Variants in NID2 observed in about 807,000 individuals in gnomAD.
The protein encoded by NID2 is nidogen 2.
NID2 carries 83 observed loss-of-function variants against 145.4 expected under a neutral mutation model. The observed-to-expected ratio is 0.57, with a 90% CI of 0.48 to 0.69. The LOEUF is 0.69. Ranked by LOEUF, NID2 falls within the 30% of genes least tolerant of loss-of-function variation. The probability of loss-of-function intolerance (pLI) is 0.00; values close to 1 mark genes in which losing one functional copy is unlikely to be tolerated. For missense variants in NID2, 1,807 were observed against 1,765.7 expected (o/e 1.02, Z -0.42); for synonymous variants, 739 against 701.3 (o/e 1.05, Z -0.85).
At chr14:52,066,448 A>G (rs1893219989) in intron 2 of NID2, among the ~76,000 whole-genome samples, 1 of 152,162 alleles carries the variant, frequency 6.6e-6, no homozygotes, top group Non-Finnish European at 1.5e-5. Context: ...AATAACTAAG[A>G]GTGTAATTAG....
intron 2 of NID2, among the ~76,000 whole-genome samples, chr14:52,060,680 T>C (rs962703599): frequency 6.6e-6 from 1 of 152,240 alleles, no homozygotes; most frequent in Admixed American, 6.5e-5. Flanking sequence ...TCATGTAAAC[T>C]CTTTCAGAGC....
chr14:52,028,273 G>GTT (rs879604298), intron 11 of NID2, among the ~76,000 whole-genome samples: 3 of 26,802 alleles, frequency 1.1e-4, no homozygotes, highest in African/African-American at 1.7e-4. Context: ...AGATTTTGTT[G>GTT]TTTTTTTTTT....
At chr14:52,007,650 A>T in intron 19 of NID2, 160 bp downstream of exon 19, 1 of 695,060 alleles carries the variant, frequency 1.4e-6, no homozygotes, top group Non-Finnish European at 2.5e-6. Flanking sequence ...AGTTCATTTT[A>T]AGACTCATTT....
At chr14:52,059,438 TC>T (rs777584091) in intron 3 of NID2, among the ~76,000 whole-genome samples, 7 of 152,090 alleles carry the variant, frequency 4.6e-5, no homozygotes, top group Non-Finnish European at 8.8e-5. Flanking sequence ...CACCCCTACC[TC>T]CCCTCACACA....
chr14:52,058,480 G>A (rs759299572), intron 3 of NID2, among the ~76,000 whole-genome samples: 14 of 152,088 alleles, frequency 9.2e-5, no homozygotes, highest in Non-Finnish European at 1.8e-4. Context: ...CTCTGCTTTC[G>A]CCAAGCAATT....
chr14:52,011,457 C>A, intron 17 of NID2, 97 bp downstream of exon 17: 1 of 1,506,994 alleles, frequency 6.6e-7, no homozygotes, highest in South Asian at 1.2e-5. Flanking sequence ...CTTAACCTCC[C>A]CTAATGGAGA....
intron 5 of NID2, among the ~76,000 whole-genome samples, chr14:52,050,767 C>T (rs1367950679): frequency 6.6e-6 from 1 of 152,140 alleles, no homozygotes; most frequent in African/African-American, 2.4e-5. Context: ...ACCACCACAC[C>T]CGGCTAATTT....
At chr14:52,031,480 C>G (rs1456890955) in intron 9 of NID2, among the ~76,000 whole-genome samples, 1 of 152,160 alleles carries the variant, frequency 6.6e-6, no homozygotes, top group Non-Finnish European at 1.5e-5. Flanking sequence ...AGAGCCCCAG[C>G]TAAGCCTGTC....
chr14:52,068,158 G>T lies in NID2; in HGVS notation c.234C>A (p.Gly78=), dbSNP rs926775388. ...CCTGAGTGGAGATGATGCCGTTGGTGCCCACCTGGGAGAGGAGAGGGACAA... is the reference window on the plus strand; with the variant it reads ...CCTGAGTGGAGATGATGCCGTTGGTTCCCACCTGGGAGAGGAGAGGGACAA... The part of the protein sequence containing the change: ...YEARFSNLYV[G]TNGIISTQDF... The change falls in exon 2 of 22, where the codon GGC becomes GGA. Residue 78 remains glycine (G), a synonymous_variant. Transcript: ENST00000216286. 6.2e-7 allele frequency: 1 copy of T among 1,612,890 alleles called. No individual in the cohort carries two copies.
rs1891184755 is a variant in NID2, at chr14:52,015,417, C to A, written c.3029-142G>T. 1.0e-5 allele frequency: 7 copies of A among 694,356 alleles called. No individual in the cohort carries two copies. In the East Asian group the frequency reaches 1.9e-4, roughly 19 times the overall value. The allele number at this position is 694,356 out of a possible 1,614,324, so 43.0% of individuals were successfully genotyped here. On this transcript the variant is annotated intron_variant, in intron 14 of 21. Coordinates refer to ENST00000216286, the MANE Select transcript of NID2 (RefSeq NM_007361.4). ...CAGGTCTCAGCCAAGCCCGTGGACA[C>A]CAAACTTGGGAAGCAAATGTGTTCT...
chr14:52,035,878 A>ATATATATATAT (rs58318209), intron 9 of NID2, among the ~76,000 whole-genome samples: 1 of 135,204 alleles, frequency 7.4e-6, no homozygotes, highest in Admixed American at 7.6e-5. Context: ...ATATATATAT[A>ATATATATATAT]TGTTTTATTT....
chr14:52,039,053 T>A (rs2029978), intron 8 of NID2, 76 bp from the exon 9 acceptor site: 1,005,244 of 1,007,704 alleles, frequency 1, 501,435 homozygotes, highest in East Asian at 1. Flanking sequence ...TTTTCTGCAG[T>A]TTTTTTCATC....
chr14:52,022,645 T>C (rs915680412), intron 12 of NID2, among the ~76,000 whole-genome samples: 1 of 152,096 alleles, frequency 6.6e-6, no homozygotes, highest in Admixed American at 6.5e-5. Flanking sequence ...TAATGAGAGG[T>C]AGCTTAATCT....
intron 2 of NID2, among the ~76,000 whole-genome samples, chr14:52,065,704 T>C (rs1233340937): frequency 1.0e-5 from 1 of 97,162 alleles, no homozygotes; most frequent in Non-Finnish European, 1.9e-5. Context: ...CCTTCCTGTG[T>C]CCATGTGATC....
chr14:52,054,254 C>T lies in NID2; in HGVS notation c.835G>A (p.Val279Ile), dbSNP rs1892777618. The T allele has an allele frequency of 3.7e-6, 6 of 1,614,052 alleles. No homozygotes were observed. Among genetic ancestry groups the T allele is most frequent in the Non-Finnish European group, 5.1e-6 (6 of 1,180,028 alleles). ...HIGSTSPLDN[V>I]RPAAVGDLSA... ...AGGTCTCCAACTGCAGCTGGCCTGA[C>T]ATTGTCCAACGGGGAAGTGCTGCCG... Residue 279 changes from valine to isoleucine, a missense_variant, in exon 4 of 22, where the codon GTC becomes ATC. Physicochemically the swap from Val to Ile is conservative, Grantham distance 29. Transcript: ENST00000216286.
In NID2 at chr14:52,006,560, G is replaced by A; in HGVS notation, c.3981C>T (p.His1327=). Residue 1327 remains histidine, a synonymous_variant, in exon 20 of 22, where the codon CAC becomes CAT. Coordinates refer to ENST00000216286, the MANE Select transcript of NID2 (RefSeq NM_007361.4). ...YPFSIVSYAD[H]FYHTDWRRDG... ...ACCTCCTCCAGTCTGTGTGGTAGAA[G>A]TGATCTGCATAGCTTACGATGCTGA... 2 of 1,613,788 alleles carry A rather than the reference G, an allele frequency of 1.2e-6. No individual in the cohort carries two copies. Among genetic ancestry groups the A allele is most frequent in the Non-Finnish European group, 1.7e-6 (2 of 1,179,732 alleles).
intron 5 of NID2, among the ~76,000 whole-genome samples, chr14:52,048,497 C>A (rs1317023106): frequency 2.6e-5 from 4 of 152,100 alleles, no homozygotes; most frequent in Non-Finnish European, 5.9e-5. Flanking sequence ...GTGCAATAAA[C>A]CCACCCGAGG....
At chr14:52,016,225 A>G (rs1182182106) in intron 14 of NID2, among the ~76,000 whole-genome samples, 1 of 152,208 alleles carries the variant, frequency 6.6e-6, no homozygotes, top group African/African-American at 2.4e-5. Context: ...GGTTATTGAG[A>G]TAACTTGTTC....
chr14:52,023,329 T>A (rs1170431356), intron 12 of NID2, among the ~76,000 whole-genome samples: 1 of 134,348 alleles, frequency 7.4e-6, no homozygotes, highest in Non-Finnish European at 1.6e-5. Flanking sequence ...ATACCAAAAT[T>A]AGCTGGGCAT....
Sources: allele counts gnomAD v4.1 joint callset (sites outside exome capture counted in the v4.1 genomes callset), GRCh38; gene constraint gnomAD v4.1.1; transcripts MANE v1.5; gene names NCBI Gene and HGNC (gene_info 2026-07-23, HGNC 2026-07-21).